Variants in SHQ1 observed in about 807,000 individuals in gnomAD.
SHQ1 encodes the protein SHQ1, H/ACA ribonucleoprotein assembly factor, also known as protein SHQ1 homolog.
A neutral mutation model predicts 53.8 loss-of-function variants in SHQ1; 49 were observed. The observed-to-expected ratio is 0.91, with a 90% CI of 0.72 to 1.16. SHQ1 has a LOEUF of 1.16. Among genes scored for constraint, SHQ1 ranks in the 50% most tolerant of loss-of-function variants. The pLI is 0.00. For missense variants in SHQ1, 738 were observed against 683.1 expected (o/e 1.08, Z -0.90); for synonymous variants, 243 against 251.0 (o/e 0.97, Z 0.30).
At chr3:72,737,598 C>T in the SHQ1 span, among the ~76,000 whole-genome samples, 1 of 152,218 alleles carries the variant, frequency 6.6e-6, no homozygotes, top group Non-Finnish European at 1.5e-5. Context: ...ATAGAAGTTG[C>T]ATATAACCTA....
the SHQ1 span, among the ~76,000 whole-genome samples, chr3:72,729,063 C>T: frequency 6.6e-6 from 1 of 152,256 alleles, no homozygotes; most frequent in African/African-American, 2.4e-5. Context: ...GCACGAAAAA[C>T]AACTCCGTGA....
intron 4 of SHQ1, among the ~76,000 whole-genome samples, chr3:72,833,503 CAGACA>C (rs1707897396): frequency 8.0e-5 from 2 of 25,000 alleles, no homozygotes; most frequent in Non-Finnish European, 2.3e-4. Flanking sequence ...GATAGATAGA[CAGACA>C]GACAGACAGA....
At chr3:72,747,456 T>G (rs1178639075), downstream of SHQ1, among the ~76,000 whole-genome samples, 23 of 152,190 alleles carry the variant, frequency 1.5e-4, no homozygotes, top group Non-Finnish European at 2.6e-4. Flanking sequence ...AAGACAGTGA[T>G]CCTGAGAGAC....
chr3:72,761,329 G>A (rs1005811806), intron 10 of SHQ1, among the ~76,000 whole-genome samples: 2 of 151,892 alleles, frequency 1.3e-5, no homozygotes, highest in Admixed American at 1.3e-4. Context: ...ACACCACCAC[G>A]CCTGGCTAAT....
chr3:72,815,028 C>T (rs906988776), intron 8 of SHQ1, among the ~76,000 whole-genome samples: 4 of 151,912 alleles, frequency 2.6e-5, no homozygotes, highest in Non-Finnish European at 5.9e-5. Flanking sequence ...TCACTTATCA[C>T]CTAGGTTTGC....
chr3:72,751,508 G>GTGTGTGTGTGTGTGTATATATATA (rs1210782182), intron 10 of SHQ1, among the ~76,000 whole-genome samples: 5 of 116,982 alleles, frequency 4.3e-5, no homozygotes, highest in African/African-American at 2.2e-4. Flanking sequence ...GTGTGTGTGT[G>GTGTGTGTGTGTGTGTATATATATA]TATATATATA....
chr3:72,744,933 G>GC (rs906863925), downstream of SHQ1, among the ~76,000 whole-genome samples: 1 of 143,948 alleles, frequency 6.9e-6, no homozygotes, highest in Non-Finnish European at 1.5e-5. Flanking sequence ...TGGGGGGGGG[G>GC]GGTGGTTTCT....
At chr3:72,845,145 T>C (rs1160588195) in intron 1 of SHQ1, among the ~76,000 whole-genome samples, 1 of 152,064 alleles carries the variant, frequency 6.6e-6, no homozygotes, top group African/African-American at 2.4e-5. Context: ...GTGTCAAATC[T>C]CATCATTATT....
chr3:72,742,492 T>C, the SHQ1 span, among the ~76,000 whole-genome samples: 1 of 152,118 alleles, frequency 6.6e-6, no homozygotes, highest in South Asian at 2.1e-4. Flanking sequence ...ATTTATGTAG[T>C]ATATGATTCA....
At chr3:72,741,691 G>A in the SHQ1 span, among the ~76,000 whole-genome samples, 1 of 152,202 alleles carries the variant, frequency 6.6e-6, no homozygotes, top group African/African-American at 2.4e-5. Context: ...CTCAACAAAT[G>A]ACAGATGTTA....
intron 10 of SHQ1, among the ~76,000 whole-genome samples, chr3:72,765,549 A>G (rs1351478799): frequency 1.0e-5 from 1 of 95,374 alleles, no homozygotes; most frequent in African/African-American, 7.1e-5. Context: ...ATATATATAT[A>G]TATATATATT....
At chr3:72,753,790 A>G (rs1224897722) in intron 10 of SHQ1, 1 of 258,586 alleles carries the variant, frequency 3.9e-6, no homozygotes, top group Non-Finnish European at 6.0e-6. Flanking sequence ...GCTATGGAAT[A>G]TGACGGCTGC....
At chr3:72,796,361 G>C (rs191963050) in intron 9 of SHQ1, among the ~76,000 whole-genome samples, 88 of 152,090 alleles carry the variant, frequency 5.8e-4, no homozygotes, top group Non-Finnish European at 1.1e-3. Flanking sequence ...ATGGAGTTAA[G>C]GTCACATATT....
chr3:72,814,117 T>C (rs1455106677), intron 8 of SHQ1, among the ~76,000 whole-genome samples: 1 of 152,120 alleles, frequency 6.6e-6, no homozygotes. Context: ...CTTAAAACTA[T>C]GAGGAATCTG....
At chr3:72,822,078 A>C (rs1450187665) in intron 6 of SHQ1, among the ~76,000 whole-genome samples, 1 of 152,222 alleles carries the variant, frequency 6.6e-6, no homozygotes, top group Non-Finnish European at 1.5e-5. Context: ...ATCTCAGGAC[A>C]ACTCTGAGGT....
the SHQ1 span, among the ~76,000 whole-genome samples, chr3:72,740,831 G>A: frequency 1.1e-4 from 17 of 152,028 alleles, no homozygotes; most frequent in African/African-American, 2.2e-4. Context: ...TCACCCTCTC[G>A]CCTGTATCTT....
chr3:72,845,208 G>T lies in SHQ1; in HGVS notation c.144-785C>A, dbSNP rs571134190. ...TAAAAGAAATGAAGTGATTGGCTGG[G>T]CGTGGTGGCTTACGCCTGTAATCCT... is the stretch of plus-strand genomic sequence containing the variant. On this transcript the variant is annotated intron_variant, in intron 1 of 10. Coordinates refer to ENST00000325599, the MANE Select transcript of SHQ1 (RefSeq NM_018130.3). 8.5e-5 allele frequency among the ~76,000 whole-genome samples: 13 copies of T among 152,294 alleles called. No homozygotes were observed. The South Asian group carries it at 2.7e-3, about 32-fold the overall frequency.
chr3:72,734,569 C>G, the SHQ1 span, among the ~76,000 whole-genome samples: 4 of 151,518 alleles, frequency 2.6e-5, no homozygotes, highest in African/African-American at 9.7e-5. Context: ...AGTAAGCCAT[C>G]ATTAATAGTA....
rs141185313 is a variant in SHQ1 at position 72,792,657 on chromosome 3, C to A, written c.1181+259G>T. 6.1e-3 allele frequency among the ~76,000 whole-genome samples: 931 copies of A among 152,084 alleles called. 14 individuals are homozygous for A. Among genetic ancestry groups the A allele is most frequent in the African/African-American group, 0.021 (874 of 41,482 alleles). ...AAAATTAGCTAGGCGTGGTGGCACA[C>A]GCCTGTAATCCCAGCTACTCGGGAG... On this transcript the variant is annotated intron_variant, in intron 10 of 10. Coordinates refer to ENST00000325599, the MANE Select transcript of SHQ1 (RefSeq NM_018130.3).
Sources: gnomAD v4.1 joint callset for allele counts (sites outside exome capture counted in the v4.1 genomes callset) on GRCh38, gnomAD v4.1.1 for gene constraint, MANE v1.5 for transcripts, NCBI Gene and HGNC (gene_info 2026-07-23, HGNC 2026-07-21) for gene names.